The following TNKS1BP1 variants were observed in gnomAD, a reference collection of about 807,000 sequenced individuals.
TNKS1BP1 encodes CCR4-NOT transcription complex subunit 12.
Under a neutral mutation model 141.1 loss-of-function variants are expected in TNKS1BP1, and 48 were observed. The observed-to-expected ratio is 0.34, with a 90% CI of 0.27 to 0.43. The LOEUF is 0.43. Among genes scored for constraint, TNKS1BP1 ranks in the 20% least tolerant of loss-of-function variants. The pLI is 1.00. For missense variants in TNKS1BP1, 2,149 were observed against 2,226.0 expected (o/e 0.97, Z 0.70); for synonymous variants, 875 against 898.2 (o/e 0.97, Z 0.46).
Position 57,320,381 on chromosome 11 carries a change from T to C in TNKS1BP1, c.426A>G (p.Val142=). 1.2e-6 allele frequency: 2 copies of C among 1,613,978 alleles called. 1 individual carries two copies. The highest frequency in any genetic ancestry group is 2.2e-5 in the South Asian group (2 of 91,064). Residue 142 remains valine, a synonymous_variant, in exon 3 of 12, where the codon GTA becomes GTG. Transcript: ENST00000358252. ...PPARCAAPGG[V]RKAPAPFRPA... is the part of the protein sequence containing the mutation. The stretch of plus-strand genomic sequence containing the variant: ...GGCGGAAAGGGGCAGGGGCCTTCCG[T>C]ACACCCCCTGGGGCTGCACATCGAG...
In TNKS1BP1 at chr11:57,310,277, C is replaced by G; in HGVS notation, c.2434G>C (p.Val812Leu). The change falls in exon 6 of 12, where the codon GTG (valine) becomes CTG (leucine). Residue 812 changes from valine to leucine, a missense_variant. Physicochemically the swap from Val to Leu is conservative, Grantham distance 32. Transcript: ENST00000358252. ...GCTGTGAGCACCCCTGGGGCAGACA[C>G]TTTACTCTGGTCTTGGCTGCTGCTG... ...EASSSQDQSK[V>L]SAPGVLTAQD... 1 of 1,614,102 alleles carries G rather than the reference C, an allele frequency of 6.2e-7. No homozygotes were observed. Among genetic ancestry groups the G allele is most frequent in the Non-Finnish European group, 8.5e-7 (1 of 1,180,032 alleles).
rs187420796 is a variant in TNKS1BP1, at chr11:57,314,509, G to A, written c.799-620C>T. Among the ~76,000 whole-genome samples the A allele has an allele frequency of 1.8e-4, 28 of 152,286 alleles. No individual in the cohort carries two copies. The East Asian group carries it at 3.9e-3, about 21-fold the overall frequency. ...CCAGCACTGCCTCTTACCAGCATGT[G>A]CCCTCCCTCACATATGGCAGACACT... On this transcript the variant is annotated intron_variant, in intron 4 of 11. Coordinates refer to ENST00000358252, the MANE Select transcript of TNKS1BP1 (RefSeq NM_033396.3).
chr11:57,318,159 C>T (rs1397108731), intron 3 of TNKS1BP1, among the ~76,000 whole-genome samples: 1 of 152,236 alleles, frequency 6.6e-6, no homozygotes, highest in Non-Finnish European at 1.5e-5. Flanking sequence ...CCTGGATGCC[C>T]AGACCTCTCA....
chr11:57,310,134 A>T lies in TNKS1BP1; in HGVS notation c.2577T>A (p.Asp859Glu). ...CGAATTCCTGGTCCTGGAGTTCTGCATCCCGGCTGGAGTAAGTGCCCTGGG... is the reference window on the plus strand; with the variant it reads ...CGAATTCCTGGTCCTGGAGTTCTGCTTCCCGGCTGGAGTAAGTGCCCTGGG... ...RDSQGTYSSR[D>E]AELQDQEFGK... The change falls in exon 6 of 12, where the codon GAT becomes GAA. Residue 859 changes from aspartate (D) to glutamate (E), a missense_variant. Coordinates refer to ENST00000358252, the MANE Select transcript of TNKS1BP1 (RefSeq NM_033396.3). The T allele has an allele frequency of 2.5e-6, 4 of 1,614,124 alleles. No individual in the cohort carries two copies. The South Asian group carries it at 3.3e-5, about 13-fold the overall frequency.
rs760779776 is a variant in TNKS1BP1 at position 57,320,709 on chromosome 11, T to C, written c.98A>G (p.Asp33Gly). The change falls in exon 3 of 12, where the codon GAC becomes GGC. Residue 33 changes from aspartate (D) to glycine (G), a missense_variant. By Grantham distance (94) the Asp-to-Gly change is moderately conservative (BLOSUM62 -1). Coordinates refer to ENST00000358252, the MANE Select transcript of TNKS1BP1 (RefSeq NM_033396.3). Reference protein sequence around the residue: ...ELVPTGSEPGDTRAKPPVKPK... With the variant: ...ELVPTGSEPGGTRAKPPVKPK... ...CTTGACAGGGGGTTTGGCCCGAGTG[T>C]CACCTACCAAAAGGAAAGGGTTGGT... The C allele has an allele frequency of 6.4e-7, 1 of 1,572,122 alleles. No homozygotes were observed. Among genetic ancestry groups the C allele is most frequent in the South Asian group, 1.2e-5 (1 of 86,950 alleles).
At chr11:57,321,975 GA>G in intron 1 of TNKS1BP1, 25 bp from the exon 2 acceptor site, 4 of 1,498,246 alleles carry the variant, frequency 2.7e-6, no homozygotes, top group Non-Finnish European at 3.6e-6. Flanking sequence ...AGAAGAGAAG[GA>G]AAAAAAGAGT....
In TNKS1BP1 at chr11:57,312,852, C is replaced by A. The variant is rs1855734738; in HGVS notation, c.1836G>T (p.Leu612Phe). 3 of 1,610,046 alleles carry A rather than the reference C, an allele frequency of 1.9e-6. No individual in the cohort carries two copies. The highest frequency in any genetic ancestry group is 1.7e-6 in the Non-Finnish European group (2 of 1,177,860). ...GCCCCAGGACTGGCTCCAGGATGGG[C>A]AAGGCTGCCTCCCTGGTAGCCAGGG... ...PLPLATREAA[L>F]PILEPVLGQE... The change falls in exon 5 of 12, where the codon TTG becomes TTT. Residue 612 changes from leucine (L) to phenylalanine (F), a missense_variant. Physicochemically the swap from Leu to Phe is conservative, Grantham distance 22. Coordinates refer to ENST00000358252, the MANE Select transcript of TNKS1BP1 (RefSeq NM_033396.3).
chr11:57,310,303 G>A lies in TNKS1BP1; in HGVS notation c.2408C>T (p.Ala803Val). Residue 803 changes from alanine to valine, a missense_variant, in exon 6 of 12, where the codon GCC becomes GTC. Transcript: ENST00000358252. ...TTTACTCTGGTCTTGGCTGCTGCTG[G>A]CCTCCATCTCCTCCTGGCCGATGCC... Reference protein sequence around the residue: ...RCGIGQEEMEASSSQDQSKVS... With the variant: ...RCGIGQEEMEVSSSQDQSKVS... The A allele has an allele frequency of 6.2e-7, 1 of 1,613,978 alleles. No individual in the cohort carries two copies. Among genetic ancestry groups the A allele is most frequent in the Non-Finnish European group, 8.5e-7 (1 of 1,180,028 alleles).
At chr11:57,321,727 G>T in intron 2 of TNKS1BP1, 65 bp downstream of exon 2, 1 of 1,560,910 alleles carries the variant, frequency 6.4e-7, no homozygotes, top group Non-Finnish European at 8.7e-7. Context: ...ACAGAAAGAG[G>T]GGGCAGCCTC....
At chr11:57,303,857 C>T (rs1489941984) in intron 6 of TNKS1BP1, among the ~76,000 whole-genome samples, 1 of 152,156 alleles carries the variant, frequency 6.6e-6, no homozygotes, top group Admixed American at 6.5e-5. Flanking sequence ...CAAGACCAGC[C>T]TGGGCAACAT....
chr11:57,305,674 A>G (rs1855598732), intron 6 of TNKS1BP1, among the ~76,000 whole-genome samples: 1 of 152,182 alleles, frequency 6.6e-6, no homozygotes, highest in Non-Finnish European at 1.5e-5. Flanking sequence ...CAGGGAGACA[A>G]GAAGAACCCA....
In TNKS1BP1 at chr11:57,310,344, C is replaced by T. The variant is rs756849016; in HGVS notation, c.2367G>A (p.Glu789=). The change falls in exon 6 of 12, where the codon GAG becomes GAA. Residue 789 remains glutamate (E), a synonymous_variant. Coordinates refer to ENST00000358252, the MANE Select transcript of TNKS1BP1 (RefSeq NM_033396.3). The stretch of plus-strand genomic sequence containing the variant: ...GGCCGATGCCACACCTGCTGGCCCA[C>T]TCCCTGGTGCTCCCTTCCCCTGCTC... ...GQGAGEGSTR[E]WASRCGIGQE... is the part of the protein sequence containing the mutation. 1 of 1,614,108 alleles carries T rather than the reference C, an allele frequency of 6.2e-7. No homozygotes were observed. The highest frequency in any genetic ancestry group is 1.1e-5 in the South Asian group (1 of 91,080).
At chr11:57,311,425 A>T in intron 5 of TNKS1BP1, 6 of 985,692 alleles carry the variant, frequency 6.1e-6, no homozygotes, top group Non-Finnish European at 7.2e-6. Flanking sequence ...GCAGGGATAG[A>T]GCTGGGCTGC....
Position 57,300,589 on chromosome 11 carries a change from G to A in TNKS1BP1, c.5141C>T (p.Ser1714Leu), listed in dbSNP as rs757935996. 5.1e-5 allele frequency: 83 copies of A among 1,614,070 alleles called. No individual in the cohort carries two copies. The highest frequency in any genetic ancestry group is 2.1e-4 in the South Asian group (19 of 91,082). ...CAGGGCTTGAAGCCAGTTGGGCGAC[G>A]ATCCTTCTGACCTAGGAGGCAGACG... ...KPEKSSGSEG[S>L]SPNWLQALKL... The change falls in exon 11 of 12, where the codon TCG becomes TTG. Residue 1714 changes from serine (S) to leucine (L), a missense_variant. Transcript: ENST00000358252.
rs1297046437 is a variant in TNKS1BP1 at position 57,313,225 on chromosome 11, C to A, written c.1463G>T (p.Gly488Val). The A allele has an allele frequency of 6.2e-7, 1 of 1,612,826 alleles. No homozygotes were observed. The highest frequency in any genetic ancestry group is 8.5e-7 in the Non-Finnish European group (1 of 1,180,000). Reference sequence around the variant, plus strand: ...AGGCGGGGAGTCCAGCCGCCACACGCCCAGACCCGAGGGCCTCGTGGGGAA... The same window carrying A: ...AGGCGGGGAGTCCAGCCGCCACACGACCAGACCCGAGGGCCTCGTGGGGAA... The part of the protein sequence containing the change: ...WTFPTRPSGL[G>V]VWRLDSPPPS... The change falls in exon 5 of 12, where the codon GGC (glycine) becomes GTC (valine). Residue 488 changes from glycine (G) to valine (V), a missense_variant. Physicochemically the swap from Gly to Val is moderately radical, Grantham distance 109. Coordinates refer to ENST00000358252, the MANE Select transcript of TNKS1BP1 (RefSeq NM_033396.3).
chr11:57,304,447 G>A (rs1471245727), intron 6 of TNKS1BP1, among the ~76,000 whole-genome samples: 1 of 152,166 alleles, frequency 6.6e-6, no homozygotes, highest in African/African-American at 2.4e-5. Flanking sequence ...AGCTCACCCT[G>A]ACAGCCAGCT....
chr11:57,321,908 A>AGG lies in TNKS1BP1; in HGVS notation c.-24_-23insCC, dbSNP rs757739187. Reference sequence around the variant, plus strand: ...CATCACATGCGGCAGACCCTCCTTGAGAGCGGGGAGGCAGAGAGGTATGAG... The same window carrying AGG: ...CATCACATGCGGCAGACCCTCCTTGAGGGAGCGGGGAGGCAGAGAGGTATGAG... On this transcript the variant is annotated 5_prime_UTR_variant, in exon 2 of 12. Transcript: ENST00000358252. 9.9e-6 allele frequency: 16 copies of AGG among 1,613,440 alleles called. No individual in the cohort carries two copies. Among genetic ancestry groups the AGG allele is most frequent in the Non-Finnish European group, 1.4e-5 (16 of 1,179,690 alleles).
At chr11:57,307,617 T>A (rs558611427) in intron 6 of TNKS1BP1, among the ~76,000 whole-genome samples, 1 of 138,418 alleles carries the variant, frequency 7.2e-6, no homozygotes, top group Admixed American at 7.0e-5. Context: ...AAGCTCCCAC[T>A]GTGGGGCTGG....
At chr11:57,322,060 A>C in intron 1 of TNKS1BP1, 110 bp from the exon 2 acceptor site, 4 of 413,786 alleles carry the variant, frequency 9.7e-6, no homozygotes, top group South Asian at 9.4e-5. Flanking sequence ...ACAGGAAGAG[A>C]GAACTTGGAG....
Sources: gnomAD v4.1 joint callset for allele counts (sites outside exome capture counted in the v4.1 genomes callset) on GRCh38, gnomAD v4.1.1 for gene constraint, MANE v1.5 for transcripts, NCBI Gene and HGNC (gene_info 2026-07-23, HGNC 2026-07-21) for gene names.